Variants in TMEM132C observed in about 807,000 individuals in gnomAD.
The protein encoded by TMEM132C is protein phosphatase 1, regulatory subunit 152.
TMEM132C carries 29 observed loss-of-function variants against 61.4 expected under a neutral mutation model. That is an observed-to-expected ratio of 0.47 (90% confidence interval 0.35 to 0.64). The LOEUF is 0.64. Among genes scored for constraint, TMEM132C ranks in the 30% least tolerant of loss-of-function variants. The pLI is 0.00. For synonymous variants in TMEM132C, 656 were observed against 633.1 expected (o/e 1.04, Z -0.54); for missense variants, 1,408 against 1,476.9 (o/e 0.95, Z 0.76).
chr12:128,382,007 C>T (rs1874415887), intron 1 of TMEM132C, among the ~76,000 whole-genome samples: 1 of 152,048 alleles, frequency 6.6e-6, no homozygotes, highest in East Asian at 1.9e-4. Context: ...ACACTCCTCC[C>T]CCAGGGATGT....
Position 128,267,471 on chromosome 12 carries a change from C to A in TMEM132C, c.69C>A (p.Gly23=). 2 of 1,269,962 alleles carry A rather than the reference C, an allele frequency of 1.6e-6. No individual in the cohort carries two copies. Among genetic ancestry groups the A allele is most frequent in the South Asian group, 2.8e-5 (1 of 35,768 alleles). The allele number at this position is 1,269,962 out of a possible 1,614,324, so 78.7% of individuals were successfully genotyped here. Residue 23 remains glycine, a synonymous_variant, in exon 1 of 9, where the codon GGC becomes GGA. Coordinates refer to ENST00000435159, the MANE Select transcript of TMEM132C (RefSeq NM_001136103.3). ...GCGGGGCGCTGAGCCTGCTGCTGGG[C>A]GCGCTGCTGGGCAAAGGTAAGGCCG... ...PLCGALSLLL[G]ALLGKVIEGH...
intron 1 of TMEM132C, among the ~76,000 whole-genome samples, chr12:128,345,449 A>G (rs1873124513): frequency 1.3e-5 from 2 of 152,180 alleles, no homozygotes; most frequent in South Asian, 4.1e-4. Flanking sequence ...GTCAAATGAT[A>G]TTTCTATCTT....
Position 128,475,557 on chromosome 12 carries a change from A to C in TMEM132C, c.974+59937A>C, listed in dbSNP as rs1482966317. Among the ~76,000 whole-genome samples, 11 of 151,958 alleles carry C rather than the reference A, an allele frequency of 7.2e-5. No homozygotes were observed. The East Asian group carries it at 1.7e-3, about 24-fold the overall frequency. ...CAGATGGTGAATTACATGGTATGTG[A>C]ATTATATCTCAATAAAAAAAAATTT... On this transcript the variant is annotated intron_variant, in intron 2 of 8. Transcript: ENST00000435159.
chr12:128,703,331 C>T (rs550795169), intron 8 of TMEM132C, among the ~76,000 whole-genome samples: 3 of 152,146 alleles, frequency 2.0e-5, no homozygotes, highest in African/African-American at 7.2e-5. Flanking sequence ...CCAGTGTGTG[C>T]TGTTCCCCTC....
intron 3 of TMEM132C, among the ~76,000 whole-genome samples, chr12:128,563,659 G>A (rs918589212): frequency 1.3e-5 from 2 of 152,078 alleles, no homozygotes; most frequent in Non-Finnish European, 2.9e-5. Context: ...GTACATTCCC[G>A]GAAGAATGAC....
intron 2 of TMEM132C, among the ~76,000 whole-genome samples, chr12:128,440,955 C>T (rs764506098): frequency 3.3e-5 from 5 of 152,268 alleles, no homozygotes; most frequent in East Asian, 1.9e-4. Context: ...GCAGGACAAT[C>T]GCTTGAATCT....
intron 2 of TMEM132C, among the ~76,000 whole-genome samples, chr12:128,467,163 A>T (rs541342911): frequency 4.6e-4 from 70 of 152,066 alleles, no homozygotes; most frequent in Non-Finnish European, 9.4e-4. Context: ...TTGATAGAAA[A>T]TCCTCCTTCT....
chr12:128,472,368 C>T (rs900073921), intron 2 of TMEM132C, among the ~76,000 whole-genome samples: 2 of 152,174 alleles, frequency 1.3e-5, no homozygotes, highest in Non-Finnish European at 2.9e-5. Flanking sequence ...AGTTCTGGGT[C>T]AGAGACCCTC....
chr12:128,391,989 T>A (rs1465928595), intron 1 of TMEM132C, among the ~76,000 whole-genome samples: 1 of 152,212 alleles, frequency 6.6e-6, no homozygotes, highest in South Asian at 2.1e-4. Context: ...TCCACTGATA[T>A]CTATGACCTG....
At chr12:128,541,333 G>A (rs900579974) in intron 2 of TMEM132C, among the ~76,000 whole-genome samples, 1 of 152,116 alleles carries the variant, frequency 6.6e-6, no homozygotes, top group Admixed American at 6.5e-5. Context: ...CCTGTCCTTT[G>A]GGGCTTTTAG....
chr12:128,677,743 G>A (rs927442372), intron 5 of TMEM132C, among the ~76,000 whole-genome samples: 2 of 152,220 alleles, frequency 1.3e-5, no homozygotes, highest in Admixed American at 6.5e-5. Flanking sequence ...GGGTGGGGAT[G>A]CTGAGATTTA....
chr12:128,290,210 A>G (rs1057353995), intron 1 of TMEM132C, among the ~76,000 whole-genome samples: 1 of 152,134 alleles, frequency 6.6e-6, no homozygotes, highest in South Asian at 2.1e-4. Context: ...GAGACTGGGT[A>G]TTTTATAAAG....
chr12:128,542,597 G>C (rs932321749), intron 2 of TMEM132C, among the ~76,000 whole-genome samples: 2 of 152,100 alleles, frequency 1.3e-5, no homozygotes, highest in Admixed American at 6.5e-5. Context: ...CGCAGTGGCT[G>C]ACACCTGTAA....
Position 128,394,907 on chromosome 12 carries a change from C to CAA in TMEM132C, c.86-19811_86-19810dup, listed in dbSNP as rs59086773. Among the ~76,000 whole-genome samples the CAA allele has an allele frequency of 5.1e-3, 679 of 132,298 alleles. 10 individuals are homozygous for CAA. Among genetic ancestry groups the CAA allele is most frequent in the African/African-American group, 0.016 (599 of 37,296 alleles). The allele number at this position is 132,298 out of a possible 152,430, so 86.8% of individuals were successfully genotyped here. ...TGTGAGTACACTCTCCCTTATTTTC[C>CAA]AAAAAAAAAAAAAAATCTAGTAAAG... On this transcript the variant is annotated intron_variant, in intron 1 of 8. Coordinates refer to ENST00000435159, the MANE Select transcript of TMEM132C (RefSeq NM_001136103.3).
intron 2 of TMEM132C, among the ~76,000 whole-genome samples, chr12:128,539,586 C>T (rs964245860): frequency 5.9e-5 from 9 of 152,136 alleles, no homozygotes; most frequent in African/African-American, 2.2e-4. Context: ...CCATTGCACT[C>T]CAGCCTGGGT....
chr12:128,627,259 T>C (rs11059801), intron 4 of TMEM132C, among the ~76,000 whole-genome samples: 11,074 of 152,276 alleles, frequency 0.073, 491 homozygotes, highest in African/African-American at 0.1. Context: ...ATCTTCCTTA[T>C]GTTTTCATTT....
At chr12:128,268,927 T>A (rs1304251010) in intron 1 of TMEM132C, among the ~76,000 whole-genome samples, 1 of 71,000 alleles carries the variant, frequency 1.4e-5, no homozygotes, top group African/African-American at 6.8e-5. Flanking sequence ...AAAGAGAGGG[T>A]GGGGCGAGAG....
intron 4 of TMEM132C, among the ~76,000 whole-genome samples, chr12:128,620,283 A>G (rs968472594): frequency 1.3e-5 from 2 of 151,772 alleles, no homozygotes; most frequent in South Asian, 2.1e-4. Flanking sequence ...AATTCATTCA[A>G]CCTCACACTA....
intron 5 of TMEM132C, among the ~76,000 whole-genome samples, chr12:128,689,830 T>G (rs904668036): frequency 6.6e-6 from 1 of 152,194 alleles, no homozygotes; most frequent in Non-Finnish European, 1.5e-5. Context: ...CAAATGCCCG[T>G]GTGGGTCCCC....
Sources: allele counts gnomAD v4.1 joint callset (sites outside exome capture counted in the v4.1 genomes callset), GRCh38; gene constraint gnomAD v4.1.1; transcripts MANE v1.5; gene names NCBI Gene and HGNC (gene_info 2026-07-23, HGNC 2026-07-21).